DCAF6: variants seen among roughly 807,000 people sequenced by gnomAD.
DCAF6 encodes the protein DDB1 and CUL4 associated factor 6.
Under a neutral mutation model 125.1 loss-of-function variants are expected in DCAF6, and 54 were observed. That is an observed-to-expected ratio of 0.43 (90% CI 0.35 to 0.54). The LOEUF is 0.54. Ranked by LOEUF, DCAF6 falls within the 20% of genes least tolerant of loss-of-function variation. DCAF6 has a pLI of 0.01. For synonymous variants in DCAF6, 371 were observed against 390.4 expected (o/e 0.95, Z 0.58); for missense variants, 934 against 1,161.7 (o/e 0.80, Z 2.85).
intron 13 of DCAF6, among the ~76,000 whole-genome samples, chr1:168,040,082 A>C (rs1442913737): frequency 6.6e-6 from 1 of 152,072 alleles, no homozygotes; most frequent in African/African-American, 2.4e-5. Context: ...TAGAGCAGGT[A>C]AAAGTGATTG....
chr1:167,968,152 G>A (rs1676720142), intron 3 of DCAF6, among the ~76,000 whole-genome samples: 1 of 152,058 alleles, frequency 6.6e-6, no homozygotes, highest in African/African-American at 2.4e-5. Flanking sequence ...GTATCAGTCG[G>A]GTTCTAGTCA....
At chr1:168,067,008 G>A (rs1181590108) in intron 20 of DCAF6, among the ~76,000 whole-genome samples, 2 of 152,058 alleles carry the variant, frequency 1.3e-5, no homozygotes, top group African/African-American at 4.8e-5. Flanking sequence ...GTTCTTTGGA[G>A]CTCTGGATTT....
chr1:168,058,883 C>T (rs1476275555), intron 17 of DCAF6, among the ~76,000 whole-genome samples: 1 of 152,122 alleles, frequency 6.6e-6, no homozygotes, highest in African/African-American at 2.4e-5. Context: ...ATCTGGTTTT[C>T]TACTGGGTTG....
the DCAF6 span, among the ~76,000 whole-genome samples, chr1:167,911,253 C>T: frequency 5.3e-5 from 8 of 152,308 alleles, no homozygotes; most frequent in South Asian, 1.5e-3. Flanking sequence ...CTTTCCTCCC[C>T]GTCTAATTAG....
Position 168,071,749 on chromosome 1 carries a change from A to G in DCAF6, c.2791+3286A>G, listed in dbSNP as rs143007077. 1.2e-4 allele frequency among the ~76,000 whole-genome samples: 19 copies of G among 152,308 alleles called. No homozygotes were observed. In the South Asian group the frequency reaches 1.7e-3, roughly 13 times the overall value. On this transcript the variant is annotated intron_variant, in intron 21 of 21. Coordinates refer to ENST00000367840, the MANE Select transcript of DCAF6 (RefSeq NM_001198956.2). ...CTCTTAAAATTCTCAGGGACTCCCT[A>G]TTGCTCTTAAAGTAAAACCCAGACT...
intron 4 of DCAF6, among the ~76,000 whole-genome samples, chr1:167,976,036 A>G (rs940568165): frequency 6.6e-6 from 1 of 152,102 alleles, no homozygotes; most frequent in Admixed American, 6.5e-5. Context: ...CCAGTCTCAC[A>G]GTTTTGGGGT....
At chr1:167,896,836 T>C in the DCAF6 span, 9 of 639,220 alleles carry the variant, frequency 1.4e-5, no homozygotes, top group Middle Eastern at 4.4e-4. Flanking sequence ...ATTTGTAAAA[T>C]TGAAATTTTA....
chr1:167,913,039 G>T, the DCAF6 span, among the ~76,000 whole-genome samples: 2 of 152,164 alleles, frequency 1.3e-5, no homozygotes, highest in African/African-American at 4.8e-5. Flanking sequence ...AAAGATGTAG[G>T]TTTAATTTAA....
At chr1:168,014,529 G>A (rs967428444) in intron 10 of DCAF6, among the ~76,000 whole-genome samples, 1 of 152,096 alleles carries the variant, frequency 6.6e-6, no homozygotes, top group Admixed American at 6.6e-5. Flanking sequence ...TCTCTGAATT[G>A]TAGACTTTTG....
intron 3 of DCAF6, among the ~76,000 whole-genome samples, chr1:167,970,157 A>T (rs896461089): frequency 6.6e-6 from 1 of 152,222 alleles, no homozygotes; most frequent in Non-Finnish European, 1.5e-5. Flanking sequence ...TCAGAATTTT[A>T]ACTCTTACAT....
chr1:168,050,330 A>G (rs535027446), intron 16 of DCAF6, among the ~76,000 whole-genome samples: 7 of 152,310 alleles, frequency 4.6e-5, no homozygotes, highest in African/African-American at 1.7e-4. Flanking sequence ...TTATTCAGTC[A>G]TCATTGTAAC....
chr1:167,903,875 G>A, the DCAF6 span: 1 of 1,582,646 alleles, frequency 6.3e-7, no homozygotes, highest in Non-Finnish European at 8.7e-7. Flanking sequence ...AGAAACCTAT[G>A]GGAACACTTA....
At chr1:167,955,031 T>A (rs1402337951) in intron 2 of DCAF6, among the ~76,000 whole-genome samples, 3 of 152,246 alleles carry the variant, frequency 2.0e-5, no homozygotes, top group Admixed American at 2.0e-4. Context: ...TGTATCCTTT[T>A]TTCATTTGGC....
At chr1:167,912,452 C>T in the DCAF6 span, among the ~76,000 whole-genome samples, 6 of 152,204 alleles carry the variant, frequency 3.9e-5, no homozygotes, top group Non-Finnish European at 7.3e-5. Flanking sequence ...TGGCACCCTG[C>T]ATTTGCATAT....
the DCAF6 span, among the ~76,000 whole-genome samples, chr1:167,888,446 A>G: frequency 2.0e-5 from 3 of 151,930 alleles, no homozygotes; most frequent in Non-Finnish European, 4.4e-5. Context: ...TCTTGTGTCA[A>G]CATTTTATAG....
intron 14 of DCAF6, among the ~76,000 whole-genome samples, 160 bp downstream of exon 14, chr1:168,043,300 TG>T (rs1688780990): frequency 6.6e-6 from 1 of 152,150 alleles, no homozygotes; most frequent in African/African-American, 2.4e-5. Context: ...ATCCAAAAGA[TG>T]GGGACCTTAA....
intron 12 of DCAF6, among the ~76,000 whole-genome samples, chr1:168,032,328 G>A (rs1001770166): frequency 6.6e-6 from 1 of 152,214 alleles, no homozygotes; most frequent in African/African-American, 2.4e-5. Flanking sequence ...TCTGTTAGCA[G>A]TCTACTCCTA....
At chr1:168,013,687 T>A (rs1684590699) in intron 10 of DCAF6, among the ~76,000 whole-genome samples, 1 of 152,070 alleles carries the variant, frequency 6.6e-6, no homozygotes. Flanking sequence ...TTAAACATTC[T>A]CCATCAGAAT....
At chr1:167,921,729 T>A in the DCAF6 span, among the ~76,000 whole-genome samples, 2,696 of 152,144 alleles carry the variant, frequency 0.018, 48 homozygotes, top group East Asian at 0.068. Context: ...TGTTTTTTTT[T>A]AAAAAAACTA....
Sources: gnomAD v4.1 joint callset for allele counts (sites outside exome capture counted in the v4.1 genomes callset) on GRCh38, gnomAD v4.1.1 for gene constraint, MANE v1.5 for transcripts, NCBI Gene and HGNC (gene_info 2026-07-23, HGNC 2026-07-21) for gene names.